Variants in TBC1D32 observed in about 807,000 individuals in gnomAD.
TBC1D32 encodes TBC1 domain family member 32.
In TBC1D32, 151 loss-of-function variants were observed where a neutral mutation model predicts 170.3. The ratio of observed to expected loss-of-function variants is 0.89; its 90% CI spans 0.78 to 1.01. TBC1D32 has a LOEUF of 1.01. Ranked by LOEUF, TBC1D32 falls within the 50% of genes least tolerant of loss-of-function variation. The probability of loss-of-function intolerance (pLI) is 0.00; values close to 1 mark genes in which losing one functional copy is unlikely to be tolerated. For synonymous variants in TBC1D32, 498 were observed against 488.0 expected (o/e 1.02, Z -0.27); for missense variants, 1,464 against 1,457.1 (o/e 1.00, Z -0.08).
At chr6:121,113,294 T>C (rs1477955645) in intron 27 of TBC1D32, 117 bp from the exon 28 acceptor site, 1 of 582,516 alleles carries the variant, frequency 1.7e-6, no homozygotes, top group East Asian at 2.9e-5. Context: ...TAGCTCTCAA[T>C]ACATGTTTCT....
At chr6:121,096,099 A>G (rs368943529) in intron 30 of TBC1D32, 1 of 152,006 alleles carries the variant, frequency 6.6e-6, no homozygotes, top group African/African-American at 2.4e-5. Flanking sequence ...AATTACTGCC[A>G]TAATTTTTGA....
At chr6:121,280,026 G>C (rs112918078) in intron 14 of TBC1D32, among the ~76,000 whole-genome samples, 1 of 151,812 alleles carries the variant, frequency 6.6e-6, no homozygotes, top group Non-Finnish European at 1.5e-5. Context: ...TAGTGGGCTA[G>C]CCTAACTAAT....
At chr6:121,259,399 C>T (rs2128401873) in intron 15 of TBC1D32, among the ~76,000 whole-genome samples, 1 of 152,116 alleles carries the variant, frequency 6.6e-6, no homozygotes, top group African/African-American at 2.4e-5. Flanking sequence ...GAAAAAAACA[C>T]TTAAATAGGG....
At chr6:121,193,931 A>G (rs962195240) in intron 22 of TBC1D32, among the ~76,000 whole-genome samples, 1 of 152,154 alleles carries the variant, frequency 6.6e-6, no homozygotes, top group Non-Finnish European at 1.5e-5. Context: ...CTTCAGTACC[A>G]ACAATCTAGG....
chr6:121,311,673 G>A (rs1241062682), intron 3 of TBC1D32, among the ~76,000 whole-genome samples: 2 of 150,000 alleles, frequency 1.3e-5, no homozygotes, highest in Non-Finnish European at 2.9e-5. Context: ...GTTTCAGTGA[G>A]CCAAAATCAT....
chr6:121,296,018 T>C (rs1387261937), intron 10 of TBC1D32, among the ~76,000 whole-genome samples: 1 of 152,130 alleles, frequency 6.6e-6, no homozygotes, highest in Admixed American at 6.5e-5. Flanking sequence ...CCCTGGTATG[T>C]ACCAGGCAGA....
intron 24 of TBC1D32, among the ~76,000 whole-genome samples, chr6:121,138,181 G>A (rs1038705176): frequency 1.3e-5 from 2 of 152,098 alleles, no homozygotes; most frequent in Non-Finnish European, 2.9e-5. Context: ...AAATTTGGGA[G>A]TATCCAAATT....
chr6:121,109,634 T>G (rs1779016681), intron 29 of TBC1D32, among the ~76,000 whole-genome samples: 2 of 152,154 alleles, frequency 1.3e-5, no homozygotes, highest in Non-Finnish European at 2.9e-5. Flanking sequence ...ATTTCAACAT[T>G]TACAAAGTTT....
At chr6:121,254,173 G>A (rs1220563717) in intron 17 of TBC1D32, among the ~76,000 whole-genome samples, 1 of 152,176 alleles carries the variant, frequency 6.6e-6, no homozygotes, top group Non-Finnish European at 1.5e-5. Context: ...TCACTTATAA[G>A]TGGGAGCTAA....
intron 24 of TBC1D32, among the ~76,000 whole-genome samples, chr6:121,155,675 T>C (rs1383630517): frequency 6.6e-6 from 1 of 152,142 alleles, no homozygotes; most frequent in East Asian, 1.9e-4. Flanking sequence ...TTTTGAGATA[T>C]GTTCCTTTAT....
At chr6:121,208,729 GAAAAAAAA>G (rs57771111) in intron 21 of TBC1D32, among the ~76,000 whole-genome samples, 2 of 86,898 alleles carry the variant, frequency 2.3e-5, no homozygotes, top group East Asian at 7.5e-4. Context: ...GAAACACCTG[GAAAAAAAA>G]AAAAAAAAAA....
At chr6:121,293,700 A>G (rs1805204560) in intron 11 of TBC1D32, among the ~76,000 whole-genome samples, 1 of 152,132 alleles carries the variant, frequency 6.6e-6, no homozygotes, top group Admixed American at 6.6e-5. Flanking sequence ...TCACAACGTC[A>G]GGAGTTCAAG....
At position 121,283,892 on chromosome 6, in the gene TBC1D32, T is replaced by A. The variant is rs1803403778; in HGVS notation, c.1391A>T (p.Asp464Val). ...AAGTTGGGTAAAAAGAACAAGCAGA[T>A]CTATGAGGGATACCAAACCTTTAAA... The part of the protein sequence containing the change: ...KNKKGLVSLI[D>V]LLVLFTQLIY... Residue 464 changes from aspartate (D) to valine (V), a missense_variant, in exon 13 of 32, where the codon GAT (aspartate) becomes GTT (valine). Transcript: ENST00000398212. 1.2e-6 allele frequency: 2 copies of A among 1,608,910 alleles called. No homozygotes were observed.
chr6:121,191,086 G>A (rs1305160129), intron 22 of TBC1D32, among the ~76,000 whole-genome samples: 1 of 151,292 alleles, frequency 6.6e-6, no homozygotes. Context: ...TATGTGCTTG[G>A]TTAAGATACA....
rs1796176761 is a variant in TBC1D32 at position 121,235,114 on chromosome 6, AG to A, written c.2364+3955del. Among the ~76,000 whole-genome samples the A allele has an allele frequency of 2.0e-5, 3 of 152,276 alleles. No individual in the cohort carries two copies. In the South Asian group the frequency reaches 6.2e-4, roughly 32 times the overall value. On this transcript the variant is annotated intron_variant, in intron 20 of 31. Transcript: ENST00000398212. Reference sequence around the variant, plus strand: ...CAGTACCTGCTCTGGTGGAGGTGGCAGGGGAGTCACTCTGTGAGGCTCCTTG... The same window carrying A: ...CAGTACCTGCTCTGGTGGAGGTGGCAGGGAGTCACTCTGTGAGGCTCCTTG...
intron 3 of TBC1D32, among the ~76,000 whole-genome samples, chr6:121,314,114 A>G (rs2128492217): frequency 6.6e-6 from 1 of 152,344 alleles, no homozygotes; most frequent in Admixed American, 6.5e-5. Flanking sequence ...CAGGAAAGAC[A>G]GAATCTGTTT....
At chr6:121,275,422 T>G (rs896484810) in intron 15 of TBC1D32, among the ~76,000 whole-genome samples, 1 of 152,166 alleles carries the variant, frequency 6.6e-6, no homozygotes. Flanking sequence ...ACAAATGATA[T>G]GGAAAGGAAC....
chr6:121,147,358 G>A (rs1207132988), intron 24 of TBC1D32, among the ~76,000 whole-genome samples: 2 of 152,118 alleles, frequency 1.3e-5, no homozygotes, highest in Non-Finnish European at 2.9e-5. Context: ...TAGGTTGAAG[G>A]GCAGTTCTGT....
intron 20 of TBC1D32, among the ~76,000 whole-genome samples, chr6:121,232,650 A>T (rs564783920): frequency 6.6e-6 from 1 of 152,054 alleles, no homozygotes; most frequent in East Asian, 1.9e-4. Context: ...TTGGTTAGGT[A>T]TGTTCCTAAG....
Sources: gnomAD v4.1 joint callset for allele counts (sites outside exome capture counted in the v4.1 genomes callset) on GRCh38, gnomAD v4.1.1 for gene constraint, MANE v1.5 for transcripts, NCBI Gene and HGNC (gene_info 2026-07-23, HGNC 2026-07-21) for gene names.